TBC1D19: variants seen among roughly 807,000 people sequenced by gnomAD.
TBC1D19 encodes the protein TBC1 domain family member 19, also known as TBC1 domain family, member 19.
In TBC1D19, 60 loss-of-function variants were observed where a neutral mutation model predicts 89.0. That is an observed-to-expected ratio of 0.67 (90% CI 0.55 to 0.84). The LOEUF (loss-of-function observed/expected upper bound fraction) is 0.84. Ranked by LOEUF, TBC1D19 falls within the 40% of genes least tolerant of loss-of-function variation. The pLI is 0.00. For synonymous variants in TBC1D19, 189 were observed against 199.7 expected (o/e 0.95, Z 0.45); for missense variants, 500 against 610.8 (o/e 0.82, Z 1.91).
intron 8 of TBC1D19, 66 bp downstream of exon 8, chr4:26,659,773 A>T (rs1745105214): frequency 9.9e-7 from 1 of 1,013,428 alleles, no homozygotes; most frequent in Admixed American, 2.2e-5. Context: ...GTTTTAATAC[A>T]GCATGTATGT....
intron 1 of TBC1D19, among the ~76,000 whole-genome samples, chr4:26,588,391 T>C (rs997293955): frequency 1.4e-5 from 2 of 146,642 alleles, no homozygotes; most frequent in Non-Finnish European, 3.0e-5. Flanking sequence ...TTCAAAGAAG[T>C]AGCTCTTGGT....
At chr4:26,779,465 C>T in the TBC1D19 span, among the ~76,000 whole-genome samples, 1 of 152,214 alleles carries the variant, frequency 6.6e-6, no homozygotes, top group African/African-American at 2.4e-5. Context: ...CTTGCAAACA[C>T]ATACTTTTTT....
At chr4:26,698,320 T>C (rs1459760329) in intron 13 of TBC1D19, among the ~76,000 whole-genome samples, 1 of 152,124 alleles carries the variant, frequency 6.6e-6, no homozygotes, top group Non-Finnish European at 1.5e-5. Context: ...GTGAAGGACC[T>C]CTTCAAGGAG....
chr4:26,609,496 G>A (rs1486006030), intron 1 of TBC1D19, among the ~76,000 whole-genome samples: 1 of 152,134 alleles, frequency 6.6e-6, no homozygotes, highest in African/African-American at 2.4e-5. Flanking sequence ...GGTAGTGAGA[G>A]AGCACTTCCA....
At chr4:26,851,311 A>ATCTATCTG in the TBC1D19 span, among the ~76,000 whole-genome samples, 63 of 114,900 alleles carry the variant, frequency 5.5e-4, no homozygotes, top group African/African-American at 1.8e-3. Context: ...TACCCTATCT[A>ATCTATCTG]TCTATCTATC....
intron 15 of TBC1D19, among the ~76,000 whole-genome samples, chr4:26,728,738 G>A (rs1717471357): frequency 6.6e-6 from 1 of 152,216 alleles, no homozygotes; most frequent in Non-Finnish European, 1.5e-5. Flanking sequence ...TATTGGCCGG[G>A]CGTGGTGGCT....
At chr4:26,686,046 GTC>G (rs1269766783) in intron 12 of TBC1D19, among the ~76,000 whole-genome samples, 4 of 152,080 alleles carry the variant, frequency 2.6e-5, no homozygotes, top group Middle Eastern at 3.2e-3. Flanking sequence ...GAAGATATCT[GTC>G]TCTGGTTATT....
chr4:26,828,039 C>T, the TBC1D19 span, among the ~76,000 whole-genome samples: 34 of 152,224 alleles, frequency 2.2e-4, no homozygotes, highest in African/African-American at 5.5e-4. Context: ...TGTCCAGAAC[C>T]GCCAGTCAGA....
the TBC1D19 span, among the ~76,000 whole-genome samples, chr4:26,832,943 G>A: frequency 3.3e-5 from 5 of 152,108 alleles, no homozygotes; most frequent in Non-Finnish European, 4.4e-5. Flanking sequence ...GTAGTGAGCC[G>A]AGATTGAGCT....
chr4:26,648,532 C>T (rs900013072), intron 7 of TBC1D19, among the ~76,000 whole-genome samples: 1 of 152,128 alleles, frequency 6.6e-6, no homozygotes, highest in Non-Finnish European at 1.5e-5. Flanking sequence ...GCACTGTCCC[C>T]AAGTAGAACA....
intron 12 of TBC1D19, among the ~76,000 whole-genome samples, chr4:26,686,194 C>G (rs1465929813): frequency 6.6e-6 from 1 of 151,742 alleles, no homozygotes; most frequent in Non-Finnish European, 1.5e-5. Flanking sequence ...TAACTGAAAA[C>G]AAGGTGGAAT....
At chr4:26,845,403 TTAAAC>T in the TBC1D19 span, among the ~76,000 whole-genome samples, 425 of 152,294 alleles carry the variant, frequency 2.8e-3, no homozygotes, top group African/African-American at 9.6e-3. Context: ...TATTGACAAT[TTAAAC>T]TATTTTTAAG....
intron 12 of TBC1D19, 118 bp downstream of exon 12, chr4:26,683,867 G>A: frequency 3.7e-6 from 3 of 815,410 alleles, no homozygotes; most frequent in Middle Eastern, 3.5e-4. Context: ...ATAATTTTAA[G>A]TGATTAGATT....
chr4:26,640,280 T>C (rs1289962113), intron 7 of TBC1D19, 93 bp downstream of exon 7: 2 of 1,053,078 alleles, frequency 1.9e-6, no homozygotes, highest in Non-Finnish European at 2.9e-6. Flanking sequence ...GGGATTAGCA[T>C]GTAAAAAGCC....
rs15666 is a variant in TBC1D19 at position 26,755,218 on chromosome 4, A to G, written c.*271A>G. 874 of 157,010 alleles carry G rather than the reference A, an allele frequency of 5.6e-3. 7 individuals are homozygous for G. The highest frequency in any genetic ancestry group is 0.02 in the African/African-American group (848 of 41,450). The allele number at this position is 157,010 out of a possible 1,614,324, so 9.7% of individuals were successfully genotyped here. On this transcript the variant is annotated 3_prime_UTR_variant, in exon 21 of 21. Coordinates refer to ENST00000264866, the MANE Select transcript of TBC1D19 (RefSeq NM_018317.4). The stretch of plus-strand genomic sequence containing the variant: ...ATATATATAATATTATAATATATAT[A>G]TAATCCTGACTTGTCAATGGCATGT...
At chr4:26,782,137 T>C in the TBC1D19 span, among the ~76,000 whole-genome samples, 7 of 152,190 alleles carry the variant, frequency 4.6e-5, no homozygotes, top group African/African-American at 1.7e-4. Flanking sequence ...CACTCTACTG[T>C]TTTTATCACC....
chr4:26,658,241 T>C (rs1007552939), intron 7 of TBC1D19, among the ~76,000 whole-genome samples: 18 of 152,224 alleles, frequency 1.2e-4, no homozygotes, highest in Non-Finnish European at 2.6e-4. Flanking sequence ...AAGTCTTTAA[T>C]GCATATTGAG....
chr4:26,806,505 T>A, the TBC1D19 span, among the ~76,000 whole-genome samples: 1 of 152,362 alleles, frequency 6.6e-6, no homozygotes, highest in South Asian at 2.1e-4. Flanking sequence ...ACTATGTGTC[T>A]GCCTCCTCAG....
chr4:26,839,337 T>A, the TBC1D19 span, among the ~76,000 whole-genome samples: 1 of 152,162 alleles, frequency 6.6e-6, no homozygotes, highest in Admixed American at 6.5e-5. Flanking sequence ...CCAACAGTAA[T>A]AAATACTTAT....
Sources: allele counts gnomAD v4.1 joint callset (sites outside exome capture counted in the v4.1 genomes callset), GRCh38; gene constraint gnomAD v4.1.1; transcripts MANE v1.5; gene names NCBI Gene and HGNC (gene_info 2026-07-23, HGNC 2026-07-21).